Variants in PLXDC2 observed in about 807,000 individuals in gnomAD.
PLXDC2 encodes plexin domain containing 2.
PLXDC2 carries 40 observed loss-of-function variants against 68.9 expected under a neutral mutation model. That is an observed-to-expected ratio of 0.58 (90% CI 0.45 to 0.76). PLXDC2 has a LOEUF of 0.76. Ranked by LOEUF, PLXDC2 falls within the 30% of genes least tolerant of loss-of-function variation. The pLI, the probability that PLXDC2 is intolerant of heterozygous loss-of-function variation, is 0.00. For missense variants in PLXDC2, 644 were observed against 661.9 expected, an observed-to-expected ratio of 0.97 and a Z score of 0.30; for synonymous variants, 243 against 234.2, an observed-to-expected ratio of 1.04 and a Z score of -0.34.
chr10:20,126,890 A>G (rs898029943), intron 4 of PLXDC2, among the ~76,000 whole-genome samples: 1 of 146,958 alleles, frequency 6.8e-6, no homozygotes. Context: ...GATATATACT[A>G]TATAATATAT....
rs78012459 is a variant in PLXDC2, at chr10:20,133,582, C to G, written c.542-9713C>G. Among the ~76,000 whole-genome samples the G allele has an allele frequency of 6.7e-3, 1,023 of 152,232 alleles. 8 individuals carry two copies. Among genetic ancestry groups the G allele is most frequent in the Non-Finnish European group, 0.011 (715 of 68,014 alleles). The stretch of plus-strand genomic sequence containing the variant: ...GAAACACCCTGGTAGCCTTACAGAC[C>G]TTCCCTTTCATGTCATGAGTAGATT... On this transcript the variant is annotated intron_variant, in intron 4 of 13. Transcript: ENST00000377252.
At chr10:19,967,137 A>G (rs1332931416) in intron 1 of PLXDC2, among the ~76,000 whole-genome samples, 1 of 152,238 alleles carries the variant, frequency 6.6e-6, no homozygotes, top group Non-Finnish European at 1.5e-5. Flanking sequence ...CTAGAAAGCA[A>G]AAATGTGTAA....
chr10:20,267,366 A>G (rs1039947058), intron 13 of PLXDC2, among the ~76,000 whole-genome samples: 5 of 152,172 alleles, frequency 3.3e-5, no homozygotes, highest in Admixed American at 2.6e-4. Context: ...TTGACTTGCC[A>G]TAGGCCTTAG....
chr10:20,185,845 T>C (rs1834675226), intron 9 of PLXDC2, among the ~76,000 whole-genome samples: 1 of 151,948 alleles, frequency 6.6e-6, no homozygotes, highest in Non-Finnish European at 1.5e-5. Context: ...ATTACAACTT[T>C]AGGCTTATTT....
intron 4 of PLXDC2, among the ~76,000 whole-genome samples, chr10:20,105,571 A>G (rs1442133917): frequency 6.6e-6 from 1 of 152,200 alleles, no homozygotes; most frequent in Non-Finnish European, 1.5e-5. Context: ...ATGAGTGATG[A>G]GGAAAAGCCA....
At chr10:19,943,046 A>G (rs1833843479) in intron 1 of PLXDC2, among the ~76,000 whole-genome samples, 1 of 152,168 alleles carries the variant, frequency 6.6e-6, no homozygotes, top group South Asian at 2.1e-4. Flanking sequence ...TTTGTCATGC[A>G]CTTACTTAGA....
At chr10:20,276,670 T>C (rs1836010801) in intron 13 of PLXDC2, among the ~76,000 whole-genome samples, 2 of 152,186 alleles carry the variant, frequency 1.3e-5, no homozygotes, top group Non-Finnish European at 2.9e-5. Flanking sequence ...AGTGACCCTG[T>C]GGCCTTGATG....
chr10:20,254,427 AG>A (rs1835717031), intron 13 of PLXDC2, among the ~76,000 whole-genome samples: 1 of 152,250 alleles, frequency 6.6e-6, no homozygotes, highest in Non-Finnish European at 1.5e-5. Flanking sequence ...TGTAGTTCAT[AG>A]AGAAATCACT....
intron 2 of PLXDC2, among the ~76,000 whole-genome samples, chr10:20,011,126 A>G (rs1835106794): frequency 6.6e-6 from 1 of 152,176 alleles, no homozygotes; most frequent in Non-Finnish European, 1.5e-5. Context: ...AAATCATGTT[A>G]AAATTAATTG....
At chr10:20,197,683 G>C (rs1201313669) in intron 9 of PLXDC2, among the ~76,000 whole-genome samples, 2 of 151,638 alleles carry the variant, frequency 1.3e-5, no homozygotes, top group East Asian at 3.9e-4. Flanking sequence ...TCTTGAGATG[G>C]AGTCTTGCTC....
intron 9 of PLXDC2, among the ~76,000 whole-genome samples, chr10:20,202,082 G>T (rs11011862): frequency 0.47 from 72,014 of 151,914 alleles, 17,256 homozygotes; most frequent in Middle Eastern, 0.56. Flanking sequence ...AATTGTGTGC[G>T]GCAGTTCAGC....
chr10:20,272,213 CT>C (rs1835949625), intron 13 of PLXDC2, among the ~76,000 whole-genome samples: 1 of 152,054 alleles, frequency 6.6e-6, no homozygotes, highest in African/African-American at 2.4e-5. Context: ...TAACCTGTGG[CT>C]TTTTGAAATG....
At chr10:20,039,737 T>C (rs1205348119) in intron 2 of PLXDC2, among the ~76,000 whole-genome samples, 1 of 152,282 alleles carries the variant, frequency 6.6e-6, no homozygotes, top group African/African-American at 2.4e-5. Flanking sequence ...ATATAATGTG[T>C]TTATTATAAA....
At chr10:19,905,366 G>A (rs1257739854) in intron 1 of PLXDC2, among the ~76,000 whole-genome samples, 1 of 152,128 alleles carries the variant, frequency 6.6e-6, no homozygotes, top group African/African-American at 2.4e-5. Context: ...AAAACTTTTG[G>A]CAAAACTGAT....
chr10:19,912,406 A>C (rs1833290293), intron 1 of PLXDC2, among the ~76,000 whole-genome samples: 1 of 152,222 alleles, frequency 6.6e-6, no homozygotes, highest in Non-Finnish European at 1.5e-5. Context: ...GAACTTAGCT[A>C]TAACATGAAG....
At chr10:20,139,272 A>G (rs1833970723) in intron 4 of PLXDC2, among the ~76,000 whole-genome samples, 1 of 152,346 alleles carries the variant, frequency 6.6e-6, no homozygotes, top group African/African-American at 2.4e-5. Context: ...GTGGCCGTGT[A>G]TTCGCTATTA....
intron 6 of PLXDC2, among the ~76,000 whole-genome samples, chr10:20,149,229 C>CTTTTTTTTTTTTTTTTTTTTT (rs71200986): frequency 6.6e-4 from 23 of 34,944 alleles, no homozygotes; most frequent in African/African-American, 1.2e-3. Flanking sequence ...TTTTTCTTTT[C>CTTTTTTTTTTTTTTTTTTTTT]TTTTTTTTTT....
chr10:19,863,353 G>A (rs756140370), intron 1 of PLXDC2, among the ~76,000 whole-genome samples: 1 of 152,198 alleles, frequency 6.6e-6, no homozygotes, highest in Non-Finnish European at 1.5e-5. Context: ...CTGACATTAT[G>A]TTCTAGAAGT....
intron 2 of PLXDC2, among the ~76,000 whole-genome samples, chr10:20,005,788 C>T (rs191047056): frequency 1.5e-3 from 226 of 152,260 alleles, no homozygotes; most frequent in African/African-American, 5.1e-3. Context: ...ATTCAGACAC[C>T]TCCCACCAGG....
Sources: allele counts gnomAD v4.1 joint callset (sites outside exome capture counted in the v4.1 genomes callset), GRCh38; gene constraint gnomAD v4.1.1; transcripts MANE v1.5; gene names NCBI Gene and HGNC (gene_info 2026-07-23, HGNC 2026-07-21).